The following DYNC2I1 variants were observed in gnomAD, a reference collection of about 807,000 sequenced individuals.
DYNC2I1 encodes the protein dynein 2 intermediate chain 1.
Under a neutral mutation model 133.4 loss-of-function variants are expected in DYNC2I1, and 89 were observed. The ratio of observed to expected loss-of-function variants is 0.67; its 90% confidence interval spans 0.56 to 0.80. DYNC2I1 has a LOEUF of 0.80. Among genes scored for constraint, DYNC2I1 ranks in the 30% least tolerant of loss-of-function variants. DYNC2I1 has a pLI of 0.00. For missense variants in DYNC2I1, 1,291 were observed against 1,314.5 expected (o/e 0.98, Z 0.28); for synonymous variants, 504 against 484.3 (o/e 1.04, Z -0.54).
intron 10 of DYNC2I1, 87 bp from the exon 11 acceptor site, chr7:158,905,902 T>C: frequency 1.1e-6 from 1 of 926,792 alleles, no homozygotes; most frequent in Non-Finnish European, 1.7e-6. Context: ...TTGTTATATA[T>C]GCCTATAATT....
intron 1 of DYNC2I1, 101 bp from the exon 2 acceptor site, chr7:158,869,754 A>G (rs1842715560): frequency 1.2e-6 from 1 of 841,920 alleles, no homozygotes; most frequent in African/African-American, 1.7e-5. Context: ...CATGTCAAGA[A>G]TTAACTGCCA....
At chr7:158,856,818 A>C (rs1841284870) in intron 1 of DYNC2I1, 68 bp downstream of exon 1, 2 of 1,223,914 alleles carry the variant, frequency 1.6e-6, no homozygotes, top group South Asian at 8.3e-5. Context: ...CGCCGCTAGC[A>C]GCGCCGCCGC....
chr7:158,926,159 G>A (rs750373587), intron 17 of DYNC2I1, 28 bp from the exon 18 acceptor site: 5 of 1,556,978 alleles, frequency 3.2e-6, no homozygotes, highest in Admixed American at 1.7e-5. Context: ...CTACTTACAC[G>A]TGGATGCTGT....
intron 23 of DYNC2I1, among the ~76,000 whole-genome samples, chr7:158,940,113 CAGAGTT>C (rs1851192190): frequency 6.6e-6 from 1 of 152,204 alleles, no homozygotes; most frequent in African/African-American, 2.4e-5. Context: ...AAAGAAGCAT[CAGAGTT>C]AAACTACACA....
At chr7:158,915,272 G>A (rs1469877395) in intron 14 of DYNC2I1, among the ~76,000 whole-genome samples, 83 of 152,100 alleles carry the variant, frequency 5.5e-4, no homozygotes, top group Non-Finnish European at 9.0e-4. Context: ...GTGAAACCTC[G>A]ACACGGTGGT....
chr7:158,856,888 G>A, intron 1 of DYNC2I1, 138 bp downstream of exon 1: 1 of 1,022,606 alleles, frequency 9.8e-7, no homozygotes, highest in Non-Finnish European at 1.3e-6. Flanking sequence ...AGGAGCCGCG[G>A]TGCCTCCGAG....
chr7:158,856,805 G>T, intron 1 of DYNC2I1, 55 bp downstream of exon 1: 1 of 1,230,796 alleles, frequency 8.1e-7, no homozygotes, highest in Non-Finnish European at 1.0e-6. Context: ...GGACTCCTTC[G>T]GGCGCCGCTA....
At chr7:158,884,429 T>C in intron 5 of DYNC2I1, 135 bp from the exon 6 acceptor site, 1 of 644,626 alleles carries the variant, frequency 1.6e-6, no homozygotes, top group Non-Finnish European at 2.5e-6. Flanking sequence ...AAAATAGTTA[T>C]TTTAAAAGGT....
At chr7:158,920,046 A>AGCGGGG (rs1848870419) in intron 15 of DYNC2I1, among the ~76,000 whole-genome samples, 1 of 138,362 alleles carries the variant, frequency 7.2e-6, no homozygotes, top group African/African-American at 2.8e-5. Context: ...TGTGGCCTCC[A>AGCGGGG]ACGGGGAACA....
At chr7:158,856,464 G>T (rs1327181976), upstream of DYNC2I1, 2 of 375,940 alleles carry the variant, frequency 5.3e-6, no homozygotes, top group Non-Finnish European at 9.4e-6. Flanking sequence ...AGGCGCATTG[G>T]GAGGGGCCGC....
In DYNC2I1 at chr7:158,923,738, G is replaced by T; in HGVS notation, c.2257+5G>T. ...GGACCGCCACGTTTTCCACCGGTCA[G>T]TGTCATCTGCCTGCCAATTGTGTGT... On this transcript the variant is annotated splice_donor_5th_base_variant and intron_variant, in intron 17 of 24. Coordinates refer to ENST00000407559, the MANE Select transcript of DYNC2I1 (RefSeq NM_018051.5). 3 of 1,600,410 alleles carry T rather than the reference G, an allele frequency of 1.9e-6. No homozygotes were observed. Among genetic ancestry groups the T allele is most frequent in the Admixed American group, 3.4e-5 (2 of 58,170 alleles).
chr7:158,876,802 G>A, intron 4 of DYNC2I1, 111 bp downstream of exon 4: 2 of 1,400,566 alleles, frequency 1.4e-6, no homozygotes, highest in Non-Finnish European at 9.4e-7. Flanking sequence ...CAGGATTTCA[G>A]TCCTGGAAAA....
intron 8 of DYNC2I1, among the ~76,000 whole-genome samples, chr7:158,892,886 T>C (rs1470310967): frequency 6.8e-6 from 1 of 147,008 alleles, no homozygotes; most frequent in Non-Finnish European, 1.5e-5. Flanking sequence ...TGCAGTGAGC[T>C]GAGATTGAGC....
Position 158,923,631 on chromosome 7 carries a change from G to T in DYNC2I1, c.2155G>T (p.Gly719Cys), listed in dbSNP as rs200093028. ...TTTACTGTTTGCCGGAACAGCGCAC[G>T]GCTCAGTTGTCGTCTGGGATTTGAG... ...AFLLFAGTAH[G>C]SVVVWDLRED... Residue 719 changes from glycine (G) to cysteine (C), a missense_variant, in exon 17 of 25, where the codon GGC (glycine) becomes TGC (cysteine). Gly to Cys is a radical substitution (Grantham distance 159, BLOSUM62 -3). Transcript: ENST00000407559. 3.1e-6 allele frequency: 5 copies of T among 1,613,960 alleles called. No individual in the cohort carries two copies. Among genetic ancestry groups the T allele is most frequent in the Non-Finnish European group, 4.2e-6 (5 of 1,179,896 alleles).
chr7:158,867,298 G>A lies in DYNC2I1; in HGVS notation c.16-2557G>A, dbSNP rs144889906. Among the ~76,000 whole-genome samples the A allele has an allele frequency of 3.7e-3, 559 of 152,132 alleles. 4 individuals are homozygous for A. Among genetic ancestry groups the A allele is most frequent in the African/African-American group, 0.013 (535 of 41,496 alleles). The stretch of plus-strand genomic sequence containing the variant: ...GTTAAGCATGAAGCTCTGTTGTACC[G>A]GGGTTGTAGGGCTGTACCCTGTGTT... On this transcript the variant is annotated intron_variant, in intron 1 of 24. Coordinates refer to ENST00000407559, the MANE Select transcript of DYNC2I1 (RefSeq NM_018051.5).
intron 7 of DYNC2I1, among the ~76,000 whole-genome samples, chr7:158,887,424 A>G (rs761812223): frequency 2.0e-5 from 3 of 152,242 alleles, no homozygotes; most frequent in Non-Finnish European, 2.9e-5. Context: ...CGATAAAACA[A>G]TTGTAAATGG....
At chr7:158,937,242 G>T (rs574667026) in intron 23 of DYNC2I1, among the ~76,000 whole-genome samples, 30 of 152,338 alleles carry the variant, frequency 2.0e-4, no homozygotes, top group African/African-American at 6.7e-4. Context: ...AAACATATTT[G>T]CTGGACTGCA....
chr7:158,873,303 T>G (rs1234636117), intron 3 of DYNC2I1, among the ~76,000 whole-genome samples: 2 of 152,198 alleles, frequency 1.3e-5, no homozygotes, highest in East Asian at 3.9e-4. Context: ...GAACAGGTAG[T>G]CACTCTTAGA....
intron 11 of DYNC2I1, among the ~76,000 whole-genome samples, chr7:158,909,354 AAGAT>A (rs1563149073): frequency 2.0e-5 from 3 of 150,420 alleles, no homozygotes; most frequent in South Asian, 4.2e-4. Context: ...AAAAAAAAAA[AAGAT>A]AATACTTCAG....
Sources: gnomAD v4.1 joint callset for allele counts (sites outside exome capture counted in the v4.1 genomes callset) on GRCh38, gnomAD v4.1.1 for gene constraint, MANE v1.5 for transcripts, NCBI Gene and HGNC (gene_info 2026-07-23, HGNC 2026-07-21) for gene names.